The following PLXNA4 variants were observed in gnomAD, a reference collection of about 807,000 sequenced individuals.
PLXNA4 encodes plexin A4.
PLXNA4 carries 44 observed loss-of-function variants against 191.8 expected under a neutral mutation model. The observed-to-expected ratio is 0.23, with a 90% CI of 0.18 to 0.29. The LOEUF (loss-of-function observed/expected upper bound fraction) is 0.29, where lower values mean the gene tolerates loss of function less well. Among genes scored for constraint, PLXNA4 ranks in the 10% least tolerant of loss-of-function variants. The pLI is 1.00. For synonymous variants in PLXNA4, 1,082 were observed against 1,009.5 expected (o/e 1.07, Z -1.36); for missense variants, 1,800 against 2,488.8 (o/e 0.72, Z 5.89).
rs906172690 is a variant in PLXNA4 at position 132,333,640 on chromosome 7, G to A, written c.1372-35418C>T. ...CCAGGAGGTGTCTGGGTTTGGAGGG[G>A]TGCTTCTACCAGAGGGCAGGGCTGC... is the stretch of plus-strand genomic sequence containing the variant. On this transcript the variant is annotated intron_variant, in intron 3 of 31. Coordinates refer to ENST00000321063, the MANE Select transcript of PLXNA4 (RefSeq NM_020911.2). Among the ~76,000 whole-genome samples the A allele has an allele frequency of 6.6e-5, 10 of 152,184 alleles. No homozygotes were observed. In the East Asian group the frequency reaches 1.9e-3, roughly 29 times the overall value.
intron 20 of PLXNA4, among the ~76,000 whole-genome samples, chr7:132,178,313 C>G (rs924727257): frequency 6.6e-6 from 1 of 152,060 alleles, no homozygotes; most frequent in African/African-American, 2.4e-5. Flanking sequence ...TGAAGGTGCT[C>G]TAGTGGGGTG....
intron 4 of PLXNA4, among the ~76,000 whole-genome samples, chr7:132,264,565 C>T (rs1187437269): frequency 4.6e-5 from 7 of 152,092 alleles, no homozygotes; most frequent in Admixed American, 3.3e-4. Context: ...ATACACAGGG[C>T]GAGCTGGGTT....
intron 1 of PLXNA4, among the ~76,000 whole-genome samples, chr7:132,532,684 A>G (rs957965579): frequency 1.3e-5 from 2 of 152,100 alleles, no homozygotes; most frequent in Non-Finnish European, 2.9e-5. Flanking sequence ...ATGGCTCCCT[A>G]TTGCCTACAC....
rs6951561 is a variant in PLXNA4 at position 132,365,743 on chromosome 7, C to T, written c.1372-67521G>A. Reference sequence around the variant, plus strand: ...TCTGCCAAGTGCTCTTAGATAGAAACCCAGATCCCTGAGGAAATTATTGAA... The same window carrying T: ...TCTGCCAAGTGCTCTTAGATAGAAATCCAGATCCCTGAGGAAATTATTGAA... On this transcript the variant is annotated intron_variant, in intron 3 of 31. Coordinates refer to ENST00000321063, the MANE Select transcript of PLXNA4 (RefSeq NM_020911.2). Among the ~76,000 whole-genome samples, 1,383 of 152,266 alleles carry T rather than the reference C, an allele frequency of 9.1e-3. 29 individuals are homozygous for T. The highest frequency in any genetic ancestry group is 0.032 in the African/African-American group (1,312 of 41,552).
At chr7:132,332,000 T>A (rs1447560579) in intron 3 of PLXNA4, among the ~76,000 whole-genome samples, 3 of 152,314 alleles carry the variant, frequency 2.0e-5, no homozygotes, top group Non-Finnish European at 4.4e-5. Flanking sequence ...TCATGGACAA[T>A]GTGTATATCA....
chr7:132,220,655 C>T (rs954996008), intron 9 of PLXNA4, among the ~76,000 whole-genome samples: 1 of 151,928 alleles, frequency 6.6e-6, no homozygotes, highest in Non-Finnish European at 1.5e-5. Context: ...CCTGGCATCC[C>T]ATCCTCTGAG....
At chr7:132,265,999 T>G (rs1382843617) in intron 4 of PLXNA4, among the ~76,000 whole-genome samples, 1 of 152,112 alleles carries the variant, frequency 6.6e-6, no homozygotes, top group African/African-American at 2.4e-5. Context: ...TGGCTCAGAA[T>G]CAAGAAGAAG....
intron 3 of PLXNA4, among the ~76,000 whole-genome samples, chr7:132,356,110 C>T (rs540265131): frequency 6.6e-6 from 1 of 152,280 alleles, no homozygotes; most frequent in South Asian, 2.1e-4. Flanking sequence ...AACCACTTTA[C>T]TCATACAAGG....
At chr7:132,323,932 G>A (rs2116652245) in intron 3 of PLXNA4, among the ~76,000 whole-genome samples, 1 of 152,234 alleles carries the variant, frequency 6.6e-6, no homozygotes, top group Non-Finnish European at 1.5e-5. Flanking sequence ...TACATGAGGT[G>A]CAAACTAATT....
chr7:132,514,086 C>G (rs1409385534), intron 1 of PLXNA4, among the ~76,000 whole-genome samples: 1 of 151,324 alleles, frequency 6.6e-6, no homozygotes, highest in East Asian at 1.9e-4. Context: ...GAGTCTCACT[C>G]TGTTGCCCAG....
rs114132254 is a variant in PLXNA4, at chr7:132,589,533, C to T, written c.-87+56395G>A. On this transcript the variant is annotated intron_variant, in intron 2 of 4. Transcript: ENST00000378539. Reference sequence around the variant, plus strand: ...CTTTTAGTATCCCCATTTATAAACACTCAAATATACCCTTGAGGAAGAAAA... The same window carrying T: ...CTTTTAGTATCCCCATTTATAAACATTCAAATATACCCTTGAGGAAGAAAA... Among the ~76,000 whole-genome samples the T allele has an allele frequency of 4.4e-3, 666 of 152,234 alleles. 2 individuals carry two copies. Among genetic ancestry groups the T allele is most frequent in the African/African-American group, 0.015 (620 of 41,538 alleles).
intron 3 of PLXNA4, among the ~76,000 whole-genome samples, chr7:132,386,367 A>ACGGG (rs1364826457): frequency 6.6e-6 from 1 of 152,222 alleles, no homozygotes; most frequent in Non-Finnish European, 1.5e-5. Context: ...CTGGTCAAAC[A>ACGGG]CGGGCGGGCT....
chr7:132,417,734 C>CGGAGGGAGAGAGAA (rs1794709459), intron 3 of PLXNA4, among the ~76,000 whole-genome samples: 1 of 151,258 alleles, frequency 6.6e-6, no homozygotes, highest in African/African-American at 2.4e-5. Flanking sequence ...GAGGGAGAGA[C>CGGAGGGAGAGAGAA]GGAGGGAGAG....
chr7:132,214,181 G>A (rs955110512), intron 9 of PLXNA4, among the ~76,000 whole-genome samples: 19 of 152,112 alleles, frequency 1.2e-4, no homozygotes, highest in African/African-American at 2.7e-4. Flanking sequence ...CAGGGGACTC[G>A]GAGCTGTGAA....
intron 3 of PLXNA4, among the ~76,000 whole-genome samples, chr7:132,380,291 C>T (rs1804838903): frequency 2.0e-5 from 3 of 152,166 alleles, no homozygotes; most frequent in Admixed American, 2.0e-4. Flanking sequence ...AAGGGCAGCA[C>T]CAGGCCCTGG....
intron 3 of PLXNA4, among the ~76,000 whole-genome samples, chr7:132,480,797 C>T (rs1436501367): frequency 2.0e-5 from 3 of 152,204 alleles, no homozygotes; most frequent in African/African-American, 7.2e-5. Flanking sequence ...TAATTGCTCT[C>T]AGAAGGAAAT....
intron 3 of PLXNA4, among the ~76,000 whole-genome samples, chr7:132,318,251 C>T (rs764329222): frequency 6.6e-6 from 1 of 152,176 alleles, no homozygotes; most frequent in African/African-American, 2.4e-5. Context: ...GACACTCTCA[C>T]CCTTCTGAGC....
chr7:132,231,598 T>G (rs1798524618), intron 5 of PLXNA4, among the ~76,000 whole-genome samples: 1 of 152,086 alleles, frequency 6.6e-6, no homozygotes, highest in Admixed American at 6.6e-5. Flanking sequence ...CTAACTTGTA[T>G]TTTTTTGGTA....
intron 3 of PLXNA4, among the ~76,000 whole-genome samples, chr7:132,398,285 T>C (rs1191112496): frequency 6.6e-6 from 1 of 152,236 alleles, no homozygotes; most frequent in Non-Finnish European, 1.5e-5. Context: ...TCATTATTGA[T>C]ATTCTCCTGT....
Sources: allele counts gnomAD v4.1 joint callset (sites outside exome capture counted in the v4.1 genomes callset), GRCh38; gene constraint gnomAD v4.1.1; transcripts MANE v1.5; gene names NCBI Gene and HGNC (gene_info 2026-07-23, HGNC 2026-07-21).